The following LRTM3 variants were observed in gnomAD, a reference collection of about 807,000 sequenced individuals.
LRTM3 encodes the protein leucine rich repeat transmembrane protein 3.
At chr13:102,737,328 C>T in the LRTM3 span, 2 of 1,551,024 alleles carry the variant, frequency 1.3e-6, no homozygotes, top group Admixed American at 2.0e-5. Context: ...TTTATTATTC[C>T]TTGTAAGTCT....
the LRTM3 span, chr13:102,744,269 G>A: frequency 1.9e-6 from 3 of 1,550,494 alleles, no homozygotes; most frequent in Non-Finnish European, 1.7e-6. Context: ...AAACTCTAAT[G>A]TATAGCTCCG....
chr13:102,744,148 T>C, the LRTM3 span: 11 of 1,550,718 alleles, frequency 7.1e-6, no homozygotes, highest in Non-Finnish European at 9.6e-6. Context: ...GGTGTTGCTT[T>C]TTCTTTCTGT....
the LRTM3 span, chr13:102,729,548 A>G: frequency 1.3e-6 from 2 of 1,512,862 alleles, no homozygotes; most frequent in South Asian, 2.6e-5. Context: ...CTTTGCCACT[A>G]GGGGAATTCT....
At chr13:102,758,549 T>C in the LRTM3 span, 4 of 1,547,548 alleles carry the variant, frequency 2.6e-6, no homozygotes, top group East Asian at 7.3e-5. Flanking sequence ...TTACCAAGTT[T>C]CCTGCTTTTG....
At chr13:102,753,975 C>A in the LRTM3 span, among the ~76,000 whole-genome samples, 1 of 152,032 alleles carries the variant, frequency 6.6e-6, no homozygotes, top group East Asian at 1.9e-4. Flanking sequence ...CTCTGGGAGG[C>A]CGAAGCAGGT....
At chr13:102,740,227 T>C in the LRTM3 span, 3 of 1,549,232 alleles carry the variant, frequency 1.9e-6, no homozygotes, top group Non-Finnish European at 2.6e-6. Flanking sequence ...CTTTTGGAAA[T>C]AAGAGACTTG....
the LRTM3 span, chr13:102,748,997 G>A: frequency 6.4e-4 from 995 of 1,550,650 alleles, 9 homozygotes; most frequent in East Asian, 0.021. Flanking sequence ...TATTAAACCC[G>A]GCATGACTTT....
the LRTM3 span, chr13:102,748,279 A>G: frequency 6.4e-7 from 1 of 1,551,042 alleles, no homozygotes; most frequent in Non-Finnish European, 8.7e-7. Flanking sequence ...CTGTAACATT[A>G]AGTATCAATG....
the LRTM3 span, chr13:102,737,762 CCT>C: frequency 5.2e-6 from 8 of 1,550,610 alleles, no homozygotes; most frequent in Admixed American, 2.0e-5. Context: ...TGCTTTTTTC[CCT>C]GTCTCTGATG....
At chr13:102,731,150 A>G in the LRTM3 span, 3 of 1,551,390 alleles carry the variant, frequency 1.9e-6, no homozygotes, top group Non-Finnish European at 2.6e-6. Context: ...TAGCTTATTA[A>G]TACTCTGTAG....
chr13:102,730,648 G>C, the LRTM3 span: 16 of 1,551,850 alleles, frequency 1.0e-5, no homozygotes, highest in African/African-American at 1.6e-4. Flanking sequence ...AGTTTTCATG[G>C]GGACTTTGCT....
chr13:102,748,696 A>T, the LRTM3 span: 5 of 1,549,956 alleles, frequency 3.2e-6, no homozygotes, highest in Non-Finnish European at 4.4e-6. Context: ...GAAATTCTGT[A>T]ATACCAATTC....
chr13:102,740,591 A>G, the LRTM3 span: 2 of 1,548,956 alleles, frequency 1.3e-6, no homozygotes, highest in South Asian at 1.2e-5. Context: ...TATGACATCC[A>G]TTTGTTTCAC....
At chr13:102,755,536 A>T in the LRTM3 span, among the ~76,000 whole-genome samples, 1 of 152,114 alleles carries the variant, frequency 6.6e-6, no homozygotes, top group African/African-American at 2.4e-5. Context: ...ATTCTCAGCA[A>T]ACTAACACAG....
chr13:102,743,885 G>A, the LRTM3 span: 14 of 1,550,638 alleles, frequency 9.0e-6, 1 homozygote, highest in South Asian at 1.4e-4. Flanking sequence ...AGATAAAACA[G>A]GCATGAAGAA....
chr13:102,735,636 T>C, the LRTM3 span: 1 of 1,551,130 alleles, frequency 6.4e-7, no homozygotes, highest in East Asian at 2.4e-5. Flanking sequence ...TTGTCTTCCA[T>C]ATCTATTCTG....
the LRTM3 span, among the ~76,000 whole-genome samples, chr13:102,753,437 T>C: frequency 2.7e-5 from 4 of 148,342 alleles, no homozygotes; most frequent in African/African-American, 1.0e-4. Flanking sequence ...GGCACATGTA[T>C]ACCTATGTAA....
chr13:102,738,017 T>A, the LRTM3 span: 3 of 1,550,744 alleles, frequency 1.9e-6, no homozygotes, highest in South Asian at 2.4e-5. Context: ...GTCTTCTCTA[T>A]CAACCTTTTC....
the LRTM3 span, among the ~76,000 whole-genome samples, chr13:102,756,176 C>T: frequency 6.6e-6 from 1 of 150,734 alleles, no homozygotes. Flanking sequence ...TGGTTTCGAA[C>T]TCCTGACCTC....
Sources: allele counts gnomAD v4.1 joint callset (sites outside exome capture counted in the v4.1 genomes callset), GRCh38; gene constraint gnomAD v4.1.1; transcripts MANE v1.5; gene names NCBI Gene and HGNC (gene_info 2026-07-23, HGNC 2026-07-21).